The following STOX2 variants were observed in gnomAD, a reference collection of about 807,000 sequenced individuals.
STOX2 encodes the protein storkhead-box protein 2.
Under a neutral mutation model 60.9 loss-of-function variants are expected in STOX2, and 28 were observed. That is an observed-to-expected ratio of 0.46 (90% CI 0.34 to 0.63). The LOEUF (loss-of-function observed/expected upper bound fraction) is 0.63, where lower values mean the gene tolerates loss of function less well. Among genes scored for constraint, STOX2 ranks in the 30% least tolerant of loss-of-function variants. STOX2 has a pLI of 0.01. For missense variants in STOX2, 1,024 were observed against 1,187.7 expected, an observed-to-expected ratio of 0.86 and a Z score of 2.03; for synonymous variants, 472 against 463.9, an observed-to-expected ratio of 1.02 and a Z score of -0.22.
chr4:183,951,493 C>T (rs962058649), intron 1 of STOX2, among the ~76,000 whole-genome samples: 24 of 134,998 alleles, frequency 1.8e-4, no homozygotes, highest in African/African-American at 5.6e-4. Flanking sequence ...TCTTGTTGCC[C>T]AGGCTGGAGT....
At position 183,861,388 on chromosome 4, in the gene STOX2, G is replaced by A. The variant is rs192242504; in HGVS notation, c.364+63333G>A. Among the ~76,000 whole-genome samples the A allele has an allele frequency of 3.9e-4, 59 of 152,334 alleles. 1 individual carries two copies. In the East Asian group the frequency reaches 6.6e-3, roughly 17 times the overall value. The stretch of plus-strand genomic sequence containing the variant: ...GCTGTTTGCCGCCATGGTGAAGTTT[G>A]TTGCACTGTAATGTTCATAGATACC... On this transcript the variant is annotated intron_variant, in intron 1 of 2. Coordinates refer to the STOX2 transcript ENST00000513034.
chr4:183,973,979 C>G (rs969603519), intron 1 of STOX2, among the ~76,000 whole-genome samples: 1 of 152,038 alleles, frequency 6.6e-6, no homozygotes, highest in Non-Finnish European at 1.5e-5. Flanking sequence ...GGTGATAGAG[C>G]AAAACTGTGT....
chr4:183,842,894 G>A (rs900465477), intron 1 of STOX2, among the ~76,000 whole-genome samples: 2 of 151,398 alleles, frequency 1.3e-5, no homozygotes, highest in Non-Finnish European at 2.9e-5. Context: ...TCACGCCTGT[G>A]ATCCCAGCAC....
chr4:183,908,613 A>C (rs1247092940), intron 1 of STOX2, among the ~76,000 whole-genome samples: 1 of 64,810 alleles, frequency 1.5e-5, no homozygotes, highest in Non-Finnish European at 3.0e-5. Context: ...TTTTTTTTTT[A>C]ATCTATCTTG....
At chr4:183,957,148 TATA>T (rs57935070) in intron 1 of STOX2, among the ~76,000 whole-genome samples, 4,873 of 142,720 alleles carry the variant, frequency 0.034, 147 homozygotes, top group East Asian at 0.081. Flanking sequence ...AAACTTAAAG[TATA>T]ATAATAATAA....
intron 1 of STOX2, among the ~76,000 whole-genome samples, chr4:183,910,088 A>G (rs993373176): frequency 6.6e-6 from 1 of 152,228 alleles, no homozygotes; most frequent in East Asian, 1.9e-4. Context: ...AGGCCATGAG[A>G]TGACTTCATT....
chr4:183,943,893 A>C (rs963121360), intron 1 of STOX2, among the ~76,000 whole-genome samples: 2 of 151,500 alleles, frequency 1.3e-5, no homozygotes, highest in Non-Finnish European at 2.9e-5. Flanking sequence ...AAAAAGAAAA[A>C]CCCCCAAAAA....
chr4:183,899,874 A>G (rs1274079906), intron 1 of STOX2, among the ~76,000 whole-genome samples: 1 of 152,242 alleles, frequency 6.6e-6, no homozygotes, highest in African/African-American at 2.4e-5. Flanking sequence ...GGACTTTCAT[A>G]GGTAGAGAGG....
Position 183,933,092 on chromosome 4 carries a change from T to C in STOX2, c.166+26136T>C, listed in dbSNP as rs56381948. Among the ~76,000 whole-genome samples, 533 of 152,374 alleles carry C rather than the reference T, an allele frequency of 3.5e-3. 7 individuals are homozygous for C. The highest frequency in any genetic ancestry group is 0.012 in the African/African-American group (511 of 41,594). ...TTTCTGAATGGTTTATTAGTTAATG[T>C]TCGTATTAGCCAGTGTTTACATTTT... On this transcript the variant is annotated intron_variant, in intron 1 of 3. Transcript: ENST00000308497.
chr4:183,826,822 G>A (rs35189324), intron 1 of STOX2, among the ~76,000 whole-genome samples: 9 of 152,252 alleles, frequency 5.9e-5, no homozygotes, highest in Admixed American at 5.9e-4. Context: ...CCTCAGAAGA[G>A]AAAGGCTGTG....
chr4:183,913,283 C>T (rs1283095695), intron 1 of STOX2, among the ~76,000 whole-genome samples: 1 of 151,984 alleles, frequency 6.6e-6, no homozygotes, highest in Non-Finnish European at 1.5e-5. Flanking sequence ...GAAATTTGGG[C>T]GGATTCAGAG....
intron 1 of STOX2, among the ~76,000 whole-genome samples, chr4:183,944,174 A>T (rs1157783379): frequency 6.6e-6 from 1 of 152,210 alleles, no homozygotes; most frequent in Non-Finnish European, 1.5e-5. Flanking sequence ...GTAAAATAGT[A>T]GTTACTTATC....
intron 1 of STOX2, among the ~76,000 whole-genome samples, chr4:183,970,767 C>T (rs1410886598): frequency 6.6e-6 from 1 of 152,200 alleles, no homozygotes; most frequent in Non-Finnish European, 1.5e-5. Context: ...ATCTATTACC[C>T]ATAAACCTTT....
rs1209904258 is a variant in STOX2, at chr4:184,001,583, C to T, written c.319+106C>T. On this transcript the variant is annotated intron_variant, in intron 2 of 3. Coordinates refer to ENST00000308497, the MANE Select transcript of STOX2 (RefSeq NM_020225.3). The surrounding 1 kb of genome is among the most constrained non-coding windows in gnomAD (Gnocchi z 4.2). ...TGTTTAAAGAGAATAGGAAAACATT[C>T]TTCCCCAAAACTGACCCGAAGCTTT... The T allele has an allele frequency of 8.6e-7, 1 of 1,156,338 alleles. No individual in the cohort carries two copies. The highest frequency in any genetic ancestry group is 1.2e-6 in the Non-Finnish European group (1 of 850,538). 71.6% of individuals were successfully genotyped at this position (1,156,338 alleles called of 1,614,324 possible). A position where few individuals can be genotyped will look rare whatever the true frequency, so the allele number is the denominator to read the frequency against.
Position 183,806,697 on chromosome 4 carries a change from G to C in STOX2, c.364+8642G>C, listed in dbSNP as rs1324345494. On this transcript the variant is annotated intron_variant, in intron 1 of 2. Coordinates refer to the STOX2 transcript ENST00000513034. The surrounding 1 kb of genome is among the most constrained non-coding windows in gnomAD (Gnocchi z 4.1). ...ACCCCCACTTTCCCTCCAGGATTTG[G>C]ACTATTTTTTCTTTTCAAACCATTG... 3.3e-5 allele frequency among the ~76,000 whole-genome samples: 5 copies of C among 152,120 alleles called. No homozygotes were observed. Among genetic ancestry groups the C allele is most frequent in the Admixed American group, 6.5e-5 (1 of 15,278 alleles).
intron 1 of STOX2, among the ~76,000 whole-genome samples, chr4:183,999,228 G>C (rs1579526983): frequency 6.6e-6 from 1 of 152,086 alleles, no homozygotes; most frequent in East Asian, 1.9e-4. Flanking sequence ...TGTCATTTTT[G>C]AGTTACCAAT....
intron 1 of STOX2, among the ~76,000 whole-genome samples, chr4:183,907,580 C>T (rs1276138119): frequency 1.3e-5 from 2 of 152,174 alleles, no homozygotes; most frequent in Non-Finnish European, 2.9e-5. Flanking sequence ...AGAATGGAGG[C>T]TGTATCATGT....
At chr4:183,815,012 T>C (rs984504700) in intron 1 of STOX2, among the ~76,000 whole-genome samples, 4 of 152,144 alleles carry the variant, frequency 2.6e-5, no homozygotes, top group Non-Finnish European at 5.9e-5. Context: ...TATTTTATTT[T>C]TTTTCAAGAC....
intron 1 of STOX2, among the ~76,000 whole-genome samples, chr4:183,998,689 G>A (rs536579710): frequency 3.3e-5 from 5 of 152,186 alleles, no homozygotes; most frequent in East Asian, 3.9e-4. Flanking sequence ...CCACAGGCGC[G>A]TGCCAGCATG....
Sources: allele counts gnomAD v4.1 joint callset (sites outside exome capture counted in the v4.1 genomes callset), GRCh38; gene constraint gnomAD v4.1.1; non-coding constraint Gnocchi (gnomAD v3.1); transcripts MANE v1.5; gene names NCBI Gene and HGNC (gene_info 2026-07-23, HGNC 2026-07-21).